The following BANP variants were observed in gnomAD, a reference collection of about 807,000 sequenced individuals.
BANP encodes the protein BTG3 associated nuclear protein, also known as protein BANP.
A neutral mutation model predicts 68.1 loss-of-function variants in BANP; 11 were observed. That is an observed-to-expected ratio of 0.16 (90% confidence interval 0.10 to 0.27). The LOEUF (loss-of-function observed/expected upper bound fraction) is 0.27, where lower values mean the gene tolerates loss of function less well. BANP is among the 10% of genes least tolerant of loss of function. The probability of loss-of-function intolerance (pLI) is 1.00; values close to 1 mark genes in which losing one functional copy is unlikely to be tolerated. For synonymous variants in BANP, 329 were observed against 303.2 expected (o/e 1.09, Z -0.88); for missense variants, 504 against 722.7 (o/e 0.70, Z 3.47).
chr16:88,054,158 CCATCATCTCCAT>C (rs1412379872), intron 11 of BANP, among the ~76,000 whole-genome samples: 20 of 118,366 alleles, frequency 1.7e-4, no homozygotes, highest in Non-Finnish European at 3.9e-5. Context: ...ACCACCTCCA[CCATCATCTCCAT>C]CATCATCATC....
At chr16:88,029,685 G>A (rs967304400) in intron 8 of BANP, among the ~76,000 whole-genome samples, 1 of 151,872 alleles carries the variant, frequency 6.6e-6, no homozygotes, top group African/African-American at 2.4e-5. Flanking sequence ...GAATTCTCTT[G>A]CCATTGAAAT....
chr16:87,971,501 T>C (rs2061117886), intron 1 of BANP, among the ~76,000 whole-genome samples: 2 of 150,818 alleles, frequency 1.3e-5, no homozygotes, highest in Non-Finnish European at 2.9e-5. Context: ...CGTTAATCCT[T>C]TTTTTTTTCT....
Position 88,002,682 on chromosome 16 carries a change from G to C in BANP, c.363-1613G>C, listed in dbSNP as rs1167605723. 6.6e-6 allele frequency among the ~76,000 whole-genome samples: 1 copy of C among 152,128 alleles called. No homozygotes were observed. The highest frequency in any genetic ancestry group is 2.4e-5 in the African/African-American group (1 of 41,418). On this transcript the variant is annotated intron_variant, in intron 4 of 13. Coordinates refer to ENST00000682872, the MANE Select transcript of BANP (RefSeq NM_001386991.1). This position sits in a 1 kb window ranked among gnomAD's most constrained non-coding sequence, Gnocchi z 4.6. ...TTCCAGTTGGGAGCTGGTTGTCTTAGAATATGATTTCCTTCACCTTAATAA... is the reference window on the plus strand; with the variant it reads ...TTCCAGTTGGGAGCTGGTTGTCTTACAATATGATTTCCTTCACCTTAATAA...
In BANP at chr16:88,077,228, T is replaced by C. The variant is rs1405875075; in HGVS notation, c.*567T>C. ...TTGCAAAGCCAGCTCTCGGTTCCGATGGGGTATTGCTGACCTACTTTTCTA... is the reference window on the plus strand; with the variant it reads ...TTGCAAAGCCAGCTCTCGGTTCCGACGGGGTATTGCTGACCTACTTTTCTA... On this transcript the variant is annotated 3_prime_UTR_variant, in exon 14 of 14. Coordinates refer to ENST00000682872, the MANE Select transcript of BANP (RefSeq NM_001386991.1). The C allele has an allele frequency of 6.6e-6, 1 of 152,584 alleles. No individual in the cohort carries two copies. The highest frequency in any genetic ancestry group is 2.4e-5 in the African/African-American group (1 of 41,478). The allele number at this position is 152,584 out of a possible 1,614,324, so 9.5% of individuals were successfully genotyped here. A position where few individuals can be genotyped will look rare whatever the true frequency, so the allele number is the denominator to read the frequency against.
chr16:88,070,328 G>T (rs1323371115), intron 12 of BANP, among the ~76,000 whole-genome samples: 1 of 152,154 alleles, frequency 6.6e-6, no homozygotes. Flanking sequence ...ACCATGTCGG[G>T]CTGGCATCTG....
At chr16:88,072,839 G>T (rs2090689160) in intron 13 of BANP, among the ~76,000 whole-genome samples, 1 of 152,196 alleles carries the variant, frequency 6.6e-6, no homozygotes, top group South Asian at 2.1e-4. Context: ...GAGCAGTCTT[G>T]GCCCCGCAGC....
chr16:87,952,023 G>A (rs1288672700), intron 1 of BANP, among the ~76,000 whole-genome samples: 5 of 47,872 alleles, frequency 1.0e-4, no homozygotes, highest in African/African-American at 8.5e-4. Context: ...ACACGCAAGG[G>A]GCGCTCTCGG....
rs1484327423 is a variant in BANP, at chr16:87,981,088, C to T, written c.123C>T (p.Arg41=). Reference sequence around the variant, plus strand: ...ATGAAGACGAACCTGCTTTGAAACGCCAGCGACTAGAAATCAATTGCCAGG... The same window carrying T: ...ATGAAGACGAACCTGCTTTGAAACGTCAGCGACTAGAAATCAATTGCCAGG... The part of the protein sequence containing the change: ...VTDEDEPALK[R]QRLEINCQDP... The change falls in exon 3 of 14, where the codon CGC becomes CGT. Residue 41 remains arginine, a synonymous_variant. Transcript: ENST00000682872. 1 of 1,613,858 alleles carries T rather than the reference C, an allele frequency of 6.2e-7. No homozygotes were observed. Among genetic ancestry groups the T allele is most frequent in the Non-Finnish European group, 8.5e-7 (1 of 1,179,986 alleles).
At chr16:87,983,914 A>T in intron 3 of BANP, 146 bp from the exon 4 acceptor site, 1 of 1,284,674 alleles carries the variant, frequency 7.8e-7, no homozygotes, top group Non-Finnish European at 1.1e-6. Context: ...TTTCTGGCTC[A>T]TAGCTCACGG....
intron 11 of BANP, among the ~76,000 whole-genome samples, chr16:88,058,228 C>G (rs1329843271): frequency 1.3e-5 from 2 of 152,118 alleles, no homozygotes; most frequent in Non-Finnish European, 2.9e-5. Context: ...GACTCACTGG[C>G]CTTTGGGAAA....
At chr16:87,971,244 G>A (rs1162829660) in intron 1 of BANP, among the ~76,000 whole-genome samples, 2 of 109,404 alleles carry the variant, frequency 1.8e-5, no homozygotes, top group South Asian at 2.4e-4. Context: ...TTGTGTCTGC[G>A]TTTAGCACAT....
In BANP at chr16:88,003,663, A is replaced by G. The variant is rs994636053; in HGVS notation, c.363-632A>G. On this transcript the variant is annotated intron_variant, in intron 4 of 13. Transcript: ENST00000682872. This position sits in a 1 kb window ranked among gnomAD's most constrained non-coding sequence, Gnocchi z 6.1. ...CGCCAGGCTTGCTGGTTTCTGGGCCATGGTCTGTTCTTTTGTAGAATCTTT... is the reference window on the plus strand; with the variant it reads ...CGCCAGGCTTGCTGGTTTCTGGGCCGTGGTCTGTTCTTTTGTAGAATCTTT... 2.6e-6 allele frequency: 1 copy of G among 390,484 alleles called. No individual in the cohort carries two copies. Among genetic ancestry groups the G allele is most frequent in the African/African-American group, 2.1e-5 (1 of 47,682 alleles). 24.2% of individuals were successfully genotyped at this position (390,484 alleles called of 1,614,324 possible).
intron 6 of BANP, among the ~76,000 whole-genome samples, chr16:88,016,691 C>G (rs2074646416): frequency 6.6e-6 from 1 of 152,220 alleles, no homozygotes; most frequent in African/African-American, 2.4e-5. Context: ...CCATGAGACT[C>G]CACCCATTAG....
At chr16:87,955,491 C>T (rs1045471590) in intron 1 of BANP, among the ~76,000 whole-genome samples, 5 of 152,206 alleles carry the variant, frequency 3.3e-5, no homozygotes, top group African/African-American at 7.2e-5. Context: ...TCCATATAAA[C>T]GCCAGAAAGT....
rs575871053 is a variant in BANP, at chr16:88,033,130, C to T, written c.1085C>T (p.Pro362Leu). ...CPSEPMMSTP[P>L]PASELPQPQP... is the part of the protein sequence containing the mutation. ...ACAGAGCCGATGATGAGCACCCCAC[C>T]TCCTGCCAGCGAGCTCCCGCAGCCA... The change falls in exon 9 of 14, where the codon CCT becomes CTT. Residue 362 changes from proline to leucine, a missense_variant. By Grantham distance (98) the Pro-to-Leu change is moderately conservative. Around this residue, in one of 3 missense-constraint regions of BANP, gnomAD observed 223 missense variants for 246.2 expected, o/e 0.91. Transcript: ENST00000682872. 6.2e-7 allele frequency: 1 copy of T among 1,608,502 alleles called. No homozygotes were observed. The highest frequency in any genetic ancestry group is 8.5e-7 in the Non-Finnish European group (1 of 1,175,874).
At chr16:88,015,882 G>C (rs1044604264) in intron 6 of BANP, among the ~76,000 whole-genome samples, 2 of 152,264 alleles carry the variant, frequency 1.3e-5, no homozygotes, top group Non-Finnish European at 2.9e-5. Context: ...AGCAGCATCT[G>C]TGTGGGATCG....
Position 88,006,084 on chromosome 16 carries a change from G to A in BANP, c.480-6G>A, listed in dbSNP as rs374539111. The stretch of plus-strand genomic sequence containing the variant: ...ATCGGGCTGGTGTGTTTTTTTTCCC[G>A]TTTAGCGCTGTGCCTGGGCGTCGGC... On this transcript the variant is annotated splice_polypyrimidine_tract_variant and splice_region_variant and intron_variant, in intron 5 of 13. Transcript: ENST00000682872. 3.0e-5 allele frequency: 48 copies of A among 1,613,476 alleles called. No homozygotes were observed. In the Admixed American group the frequency reaches 5.5e-4, roughly 18 times the overall value.
chr16:88,057,390 C>G lies in BANP; in HGVS notation c.1312-7877C>G, dbSNP rs1361659409. ...AGGAAACCTGGGCGTTACTGCTGCA[C>G]CAGGATTCCTGGCCTCCAGAGGAAG... On this transcript the variant is annotated intron_variant, in intron 11 of 13. Transcript: ENST00000682872. This position sits in a 1 kb window ranked among gnomAD's most constrained non-coding sequence, Gnocchi z 4.6. Among the ~76,000 whole-genome samples the G allele has an allele frequency of 6.6e-6, 1 of 152,112 alleles. No homozygotes were observed. Among genetic ancestry groups the G allele is most frequent in the Non-Finnish European group, 1.5e-5 (1 of 68,022 alleles).
intron 11 of BANP, among the ~76,000 whole-genome samples, chr16:88,039,976 A>G (rs1329651250): frequency 5.3e-5 from 8 of 152,364 alleles, no homozygotes; most frequent in Non-Finnish European, 1.0e-4. Flanking sequence ...TGTGAAACAA[A>G]TAATAATTTA....
Sources: gnomAD v4.1 joint callset for allele counts (sites outside exome capture counted in the v4.1 genomes callset) on GRCh38, gnomAD v4.1.1 for gene constraint, gnomAD v4.1.1 regional missense constraint, Gnocchi (gnomAD v3.1) non-coding constraint, MANE v1.5 for transcripts, NCBI Gene and HGNC (gene_info 2026-07-23, HGNC 2026-07-21) for gene names.